Variants in KLF8 observed in about 807,000 individuals in gnomAD.
KLF8 encodes Krueppel-like factor 8.
Under a neutral mutation model 18.2 loss-of-function variants are expected in KLF8, and 10 were observed. The observed-to-expected ratio is 0.55, with a 90% CI of 0.34 to 0.93. The LOEUF (loss-of-function observed/expected upper bound fraction) is 0.93, where lower values mean the gene tolerates loss of function less well. Ranked by LOEUF, KLF8 falls within the 40% of genes least tolerant of loss-of-function variation. The pLI is 0.02. For missense variants in KLF8, 264 were observed against 277.9 expected (o/e 0.95, Z 0.36); for synonymous variants, 109 against 97.3 (o/e 1.12, Z -0.71).
At chrX:56,207,187 T>C in the KLF8 span, among the ~76,000 whole-genome samples, 6,613 of 112,465 alleles carry the variant, frequency 0.059, 176 homozygotes, top group South Asian at 0.11. Flanking sequence ...GGGGCTGCTG[T>C]GAAGACCTCT....
the KLF8 span, among the ~76,000 whole-genome samples, chrX:56,081,507 A>G: frequency 3.6e-5 from 4 of 111,940 alleles, no homozygotes; most frequent in African/African-American, 1.3e-4. Context: ...TAAAACTTTC[A>G]GTACACTTTT....
At chrX:56,188,408 G>A in the KLF8 span, among the ~76,000 whole-genome samples, 2 of 111,764 alleles carry the variant, frequency 1.8e-5, no homozygotes, top group Non-Finnish European at 3.8e-5. Context: ...ATGATCATGG[G>A]TAGGAAGAAT....
chrX:56,249,909 AAGCAAGAACT>A (rs1270605525), intron 1 of KLF8, among the ~76,000 whole-genome samples: 1 of 111,674 alleles, frequency 9.0e-6, no homozygotes, highest in Non-Finnish European at 1.9e-5. Context: ...GAACTCCTTC[AAGCAAGAACT>A]AGACCAGGAA....
At chrX:56,030,862 G>C in the KLF8 span, among the ~76,000 whole-genome samples, 1 of 109,209 alleles carries the variant, frequency 9.2e-6, no homozygotes, top group Non-Finnish European at 1.9e-5. Flanking sequence ...TTAACTAACT[G>C]TCCCTTTGCT....
the KLF8 span, among the ~76,000 whole-genome samples, chrX:56,146,072 G>T: frequency 1.1e-4 from 12 of 112,147 alleles, no homozygotes; most frequent in Admixed American, 3.8e-4. Flanking sequence ...ACAGATGCTG[G>T]AGAGGATGGG....
chrX:56,269,441 T>C lies in KLF8; in HGVS notation c.710T>C (p.Ile237Thr), dbSNP rs781401053. Residue 237 changes from isoleucine (I) to threonine (T), a missense_variant, in exon 4 of 6, where the codon ATT (isoleucine) becomes ACT (threonine). By Grantham distance (89) the Ile-to-Thr change is moderately conservative. Around this residue, in one of 2 missense-constraint regions of KLF8, gnomAD observed 221 missense variants for 193.6 expected, o/e 1.14. Coordinates refer to ENST00000468660, the MANE Select transcript of KLF8 (RefSeq NM_007250.5). ...CCAAGTGACAGTGAGGAGAGTACAA[T>C]TGAGAGTGGATCCTCAGCCTTGCAG... ...EIPSDSEEST[I>T]ESGSSALQSL... The C allele has an allele frequency of 2.5e-6, 3 of 1,208,785 alleles. No individual in the cohort carries two copies. Among genetic ancestry groups the C allele is most frequent in the Non-Finnish European group, 3.4e-6 (3 of 894,297 alleles).
chrX:56,185,392 A>G, the KLF8 span, among the ~76,000 whole-genome samples: 1 of 112,278 alleles, frequency 8.9e-6, no homozygotes, highest in Non-Finnish European at 1.9e-5. Flanking sequence ...CCAAATCTAC[A>G]TCTGATTGGT....
At chrX:56,065,508 A>G in the KLF8 span, among the ~76,000 whole-genome samples, 1 of 110,206 alleles carries the variant, frequency 9.1e-6, no homozygotes, top group African/African-American at 3.3e-5. Context: ...TCTTTTTGAG[A>G]TTTTTAATAC....
At chrX:55,976,846 C>T in the KLF8 span, among the ~76,000 whole-genome samples, 1 of 111,368 alleles carries the variant, frequency 9.0e-6, no homozygotes, top group African/African-American at 3.3e-5. Flanking sequence ...AGGTCTTTCA[C>T]CCACTCAGTT....
At chrX:55,936,913 G>A in the KLF8 span, among the ~76,000 whole-genome samples, 5 of 112,125 alleles carry the variant, frequency 4.5e-5, no homozygotes, top group Non-Finnish European at 9.4e-5. Flanking sequence ...ACAGCTCAAG[G>A]ACCCTGCCTG....
At chrX:56,056,953 A>G in the KLF8 span, among the ~76,000 whole-genome samples, 5 of 111,238 alleles carry the variant, frequency 4.5e-5, no homozygotes, top group Admixed American at 3.8e-4. Flanking sequence ...CGGTTACTGA[A>G]GAATCTGTTC....
chrX:56,155,471 G>T, the KLF8 span, among the ~76,000 whole-genome samples: 2 of 110,640 alleles, frequency 1.8e-5, no homozygotes, highest in Admixed American at 9.7e-5. Context: ...GGAGGAAGCG[G>T]GGAGGGATAG....
At chrX:56,018,795 G>A in the KLF8 span, among the ~76,000 whole-genome samples, 1 of 111,111 alleles carries the variant, frequency 9.0e-6, no homozygotes, top group South Asian at 3.8e-4. Flanking sequence ...GTATGTGTGT[G>A]TGTGTGGTTT....
At chrX:56,120,775 G>T in the KLF8 span, among the ~76,000 whole-genome samples, 2 of 111,519 alleles carry the variant, frequency 1.8e-5, no homozygotes, top group African/African-American at 6.5e-5. Context: ...ATAAATTCTG[G>T]GTTTTAGAGG....
chrX:56,000,721 T>C, the KLF8 span, among the ~76,000 whole-genome samples: 1 of 111,784 alleles, frequency 8.9e-6, no homozygotes, highest in Non-Finnish European at 1.9e-5. Context: ...TATAATTATT[T>C]GAATATTCTC....
chrX:55,945,108 C>G, the KLF8 span, among the ~76,000 whole-genome samples: 18 of 111,217 alleles, frequency 1.6e-4, no homozygotes, highest in East Asian at 5.6e-4. Context: ...CATTCAGGAG[C>G]AAGTTGTTCA....
chrX:55,963,562 TA>T, the KLF8 span, among the ~76,000 whole-genome samples: 2 of 109,559 alleles, frequency 1.8e-5, no homozygotes, highest in Non-Finnish European at 3.8e-5. Flanking sequence ...CCTCTGAAAA[TA>T]AAAAAAAATC....
At chrX:56,126,334 C>T in the KLF8 span, among the ~76,000 whole-genome samples, 11 of 112,014 alleles carry the variant, frequency 9.8e-5, no homozygotes, top group Non-Finnish European at 7.5e-5. Context: ...CTTCTGTTCA[C>T]CTCCAGTCTA....
At chrX:56,231,706 C>T (rs981289572), upstream of KLF8, among the ~76,000 whole-genome samples, 1 of 111,442 alleles carries the variant, frequency 9.0e-6, no homozygotes, top group African/African-American at 3.3e-5. Context: ...AAACATGGCT[C>T]CTATCCTGTG....
Sources: gnomAD v4.1 joint callset for allele counts (sites outside exome capture counted in the v4.1 genomes callset) on GRCh38, gnomAD v4.1.1 for gene constraint, gnomAD v4.1.1 regional missense constraint, MANE v1.5 for transcripts, NCBI Gene and HGNC (gene_info 2026-07-23, HGNC 2026-07-21) for gene names.